The following SNTG1 variants were observed in gnomAD, a reference collection of about 807,000 sequenced individuals.
The protein encoded by SNTG1 is gamma-1-syntrophin.
In SNTG1, 39 loss-of-function variants were observed where a neutral mutation model predicts 74.7. The ratio of observed to expected loss-of-function variants is 0.52; its 90% CI spans 0.40 to 0.68. The LOEUF is 0.68. Ranked by LOEUF, SNTG1 falls within the 30% of genes least tolerant of loss-of-function variation. The pLI, the probability that SNTG1 is intolerant of heterozygous loss-of-function variation, is 0.00. For synonymous variants in SNTG1, 254 were observed against 217.1 expected, an observed-to-expected ratio of 1.17 and a Z score of -1.49; for missense variants, 685 against 609.5, an observed-to-expected ratio of 1.12 and a Z score of -1.30.
At chr8:50,768,283 C>T (rs887640054) in intron 18 of SNTG1, among the ~76,000 whole-genome samples, 1 of 151,980 alleles carries the variant, frequency 6.6e-6, no homozygotes, top group East Asian at 1.9e-4. Flanking sequence ...TTCATTTTCT[C>T]ATTGTAAATT....
intron 1 of SNTG1, among the ~76,000 whole-genome samples, chr8:50,096,963 T>A (rs898802834): frequency 3.0e-4 from 45 of 151,900 alleles, no homozygotes; most frequent in Admixed American, 2.3e-3. Context: ...ACTAAAACTT[T>A]TTATTATTAT....
At chr8:50,407,377 T>A (rs2092891362) in intron 4 of SNTG1, among the ~76,000 whole-genome samples, 1 of 152,154 alleles carries the variant, frequency 6.6e-6, no homozygotes. Flanking sequence ...AAGTCCTGGG[T>A]GGAAAATAGA....
chr8:50,528,981 G>A (rs1692378654), intron 9 of SNTG1, among the ~76,000 whole-genome samples: 10 of 150,398 alleles, frequency 6.6e-5, no homozygotes, highest in Admixed American at 5.3e-4. Context: ...CCATTCTTAA[G>A]TTCTTAAGAT....
At chr8:50,305,430 T>C (rs1027786086) in intron 2 of SNTG1, among the ~76,000 whole-genome samples, 1 of 152,092 alleles carries the variant, frequency 6.6e-6, no homozygotes, top group East Asian at 1.9e-4. Flanking sequence ...ATTTGGTTTT[T>C]CCAGGTTTGA....
At chr8:49,985,447 A>G (rs1813068036) in intron 1 of SNTG1, among the ~76,000 whole-genome samples, 1 of 152,186 alleles carries the variant, frequency 6.6e-6, no homozygotes, top group Non-Finnish European at 1.5e-5. Flanking sequence ...TTTTAAATCT[A>G]TTAAAATCAA....
intron 2 of SNTG1, among the ~76,000 whole-genome samples, chr8:50,204,386 C>A (rs975877040): frequency 6.6e-6 from 1 of 152,102 alleles, no homozygotes; most frequent in African/African-American, 2.4e-5. Flanking sequence ...TTATCTTGAT[C>A]ATGATTTTCT....
At chr8:50,251,142 A>C (rs559312673) in intron 2 of SNTG1, among the ~76,000 whole-genome samples, 51 of 152,236 alleles carry the variant, frequency 3.4e-4, no homozygotes, top group Non-Finnish European at 1.0e-4. Flanking sequence ...AGTTGTTATC[A>C]GCTTAAAATA....
chr8:50,762,745 G>A (rs1314041039), intron 18 of SNTG1: 2 of 482,252 alleles, frequency 4.1e-6, no homozygotes, highest in Non-Finnish European at 8.4e-6. Context: ...CCATGATGTG[G>A]CACTGGACAC....
intron 2 of SNTG1, among the ~76,000 whole-genome samples, chr8:50,248,005 T>C (rs2129819568): frequency 6.6e-6 from 1 of 152,282 alleles, no homozygotes; most frequent in East Asian, 1.9e-4. Flanking sequence ...ATGGTTATGG[T>C]CGTCTTCTCC....
chr8:49,991,854 G>T (rs1034899192), intron 1 of SNTG1, among the ~76,000 whole-genome samples: 1 of 152,088 alleles, frequency 6.6e-6, no homozygotes, highest in Admixed American at 6.6e-5. Flanking sequence ...TGGTATGGTG[G>T]CATGTTCTAA....
At chr8:50,340,860 A>T (rs2091295412) in intron 2 of SNTG1, among the ~76,000 whole-genome samples, 1 of 151,970 alleles carries the variant, frequency 6.6e-6, no homozygotes, top group African/African-American at 2.4e-5. Context: ...TGTAAAAAAT[A>T]CTTCTTGGTG....
intron 8 of SNTG1, among the ~76,000 whole-genome samples, chr8:50,481,399 AAC>A (rs2093739476): frequency 1.3e-5 from 2 of 152,154 alleles, no homozygotes. Context: ...CAACAACAAC[AAC>A]AAAACATACA....
At position 50,645,322 on chromosome 8, in the gene SNTG1, T is replaced by G. The variant is rs536329709; in HGVS notation, c.850-11587T>G. Reference sequence around the variant, plus strand: ...AGTTTTTCTATTTTTTATTTGTAGGTATCCATTTTATTATTTTGTAATTTT... The same window carrying G: ...AGTTTTTCTATTTTTTATTTGTAGGGATCCATTTTATTATTTTGTAATTTT... On this transcript the variant is annotated intron_variant, in intron 13 of 18. Coordinates refer to ENST00000642720, the MANE Select transcript of SNTG1 (RefSeq NM_018967.5). Among the ~76,000 whole-genome samples, 461 of 150,446 alleles carry G rather than the reference T, an allele frequency of 3.1e-3. 3 individuals are homozygous for G. The highest frequency in any genetic ancestry group is 0.011 in the African/African-American group (444 of 40,614).
At chr8:50,773,980 A>G (rs1219949365) in intron 18 of SNTG1, among the ~76,000 whole-genome samples, 1 of 152,084 alleles carries the variant, frequency 6.6e-6, no homozygotes, top group Non-Finnish European at 1.5e-5. Flanking sequence ...TCTGAGATGA[A>G]CTGAACAAAA....
At chr8:50,394,486 C>T (rs1022834816) in intron 3 of SNTG1, among the ~76,000 whole-genome samples, 4 of 152,130 alleles carry the variant, frequency 2.6e-5, no homozygotes, top group Non-Finnish European at 5.9e-5. Flanking sequence ...AAGACTGGAG[C>T]ATATTGAATA....
At chr8:49,977,581 C>T (rs558357034) in intron 1 of SNTG1, among the ~76,000 whole-genome samples, 46 of 152,156 alleles carry the variant, frequency 3.0e-4, no homozygotes, top group African/African-American at 7.2e-4. Context: ...CAGAAACATC[C>T]GAGGGTAAGA....
intron 1 of SNTG1, among the ~76,000 whole-genome samples, chr8:49,997,565 A>T (rs763083477): frequency 6.6e-5 from 10 of 152,092 alleles, no homozygotes; most frequent in Non-Finnish European, 1.2e-4. Flanking sequence ...ACCAAGCCTT[A>T]TGTTGCTAAA....
chr8:50,598,075 C>T (rs1161587376), intron 13 of SNTG1, among the ~76,000 whole-genome samples: 2 of 151,266 alleles, frequency 1.3e-5, no homozygotes, highest in African/African-American at 4.8e-5. Context: ...TAGTTTGATG[C>T]AATCCCATTT....
intron 2 of SNTG1, among the ~76,000 whole-genome samples, chr8:50,326,985 GTGTTTTGTGATTTTCTAGA>G (rs753831283): frequency 6.2e-4 from 94 of 152,024 alleles, no homozygotes; most frequent in Non-Finnish European, 1.1e-3. Flanking sequence ...TAATCCTCAA[GTGTTTTGTGATTTTCTAGA>G]TATCTTTCTG....
Sources: gnomAD v4.1 joint callset for allele counts (sites outside exome capture counted in the v4.1 genomes callset) on GRCh38, gnomAD v4.1.1 for gene constraint, MANE v1.5 for transcripts, NCBI Gene and HGNC (gene_info 2026-07-23, HGNC 2026-07-21) for gene names.